LPA: variants seen among roughly 807,000 people sequenced by gnomAD.
LPA encodes the protein lipoprotein(a), also known as apolipoprotein(a).
In LPA, 199 loss-of-function variants were observed where a neutral mutation model predicts 197.9. The ratio of observed to expected loss-of-function variants is 1.01; its 90% CI spans 0.90 to 1.13. The LOEUF is 1.13. Among genes scored for constraint, LPA ranks in the 50% most tolerant of loss-of-function variants. The pLI is 0.00. For synonymous variants in LPA, 715 were observed against 639.5 expected, an observed-to-expected ratio of 1.12 and a Z score of -1.78; for missense variants, 1,853 against 1,785.8, an observed-to-expected ratio of 1.04 and a Z score of -0.68.
chr6:160,599,082 G>A (rs1038220848), intron 20 of LPA, among the ~76,000 whole-genome samples: 3 of 152,170 alleles, frequency 2.0e-5, no homozygotes, highest in African/African-American at 4.8e-5. Flanking sequence ...GGTGGCTCAC[G>A]CCTGTAATCC....
At chr6:160,564,911 C>T (rs546773061) in intron 28 of LPA, among the ~76,000 whole-genome samples, 1 of 152,284 alleles carries the variant, frequency 6.6e-6, no homozygotes, top group East Asian at 1.9e-4. Context: ...GTACAGCAGT[C>T]TGAGATTGAA....
chr6:160,656,325 C>T (rs1264345735), intron 1 of LPA, among the ~76,000 whole-genome samples: 3 of 152,128 alleles, frequency 2.0e-5, no homozygotes, highest in Non-Finnish European at 4.4e-5. Flanking sequence ...GCCTTTCCCA[C>T]CATAATAGCC....
At chr6:160,584,152 A>G (rs1778850606) in intron 26 of LPA, among the ~76,000 whole-genome samples, 1 of 151,112 alleles carries the variant, frequency 6.6e-6, no homozygotes, top group Non-Finnish European at 1.5e-5. Flanking sequence ...ATATATAAAT[A>G]TATGCACTCA....
intron 1 of LPA, among the ~76,000 whole-genome samples, chr6:160,662,336 T>C (rs917964147): frequency 2.6e-5 from 4 of 152,254 alleles, no homozygotes; most frequent in African/African-American, 7.2e-5. Flanking sequence ...TGTGTATGCA[T>C]ATTTGCATGT....
chr6:160,536,230 C>T (rs1207992269), intron 37 of LPA, among the ~76,000 whole-genome samples: 2 of 152,204 alleles, frequency 1.3e-5, no homozygotes, highest in Admixed American at 1.3e-4. Context: ...ATAGTGCCTA[C>T]TCCATGATTG....
intron 31 of LPA, among the ~76,000 whole-genome samples, 159 bp downstream of exon 31, chr6:160,548,319 C>T (rs1267443569): frequency 1.3e-5 from 2 of 152,322 alleles, no homozygotes; most frequent in East Asian, 3.9e-4. Context: ...AGGGACGGCA[C>T]TGAGACTTCC....
At chr6:160,653,944 TA>T (rs1780051691) in intron 1 of LPA, among the ~76,000 whole-genome samples, 1 of 40,110 alleles carries the variant, frequency 2.5e-5, no homozygotes, top group South Asian at 7.3e-4. Context: ...ATATATTTTA[TA>T]TATATTATAT....
intron 16 of LPA, among the ~76,000 whole-genome samples, chr6:160,610,078 T>C (rs961455708): frequency 1.1e-4 from 16 of 152,200 alleles, no homozygotes; most frequent in Non-Finnish European, 2.1e-4. Flanking sequence ...ATATGTCAAA[T>C]TTTCATGCAA....
intron 28 of LPA, among the ~76,000 whole-genome samples, chr6:160,560,787 A>G (rs1448080794): frequency 6.6e-6 from 1 of 152,128 alleles, no homozygotes; most frequent in Non-Finnish European, 1.5e-5. Flanking sequence ...TATTTTAATT[A>G]GATCTGATTT....
At chr6:160,539,010 TGAGCCAGAAAGGCCCTTCTCTCCTTCCTA>T (rs1231267384) in intron 36 of LPA, among the ~76,000 whole-genome samples, 1 of 152,172 alleles carries the variant, frequency 6.6e-6, no homozygotes, top group African/African-American at 2.4e-5. Flanking sequence ...TTATAAAGGC[TGAGCCAGAAAGGCCCTTCTCTCCTTCCTA>T]GAGTGTCAGA....
intron 28 of LPA, among the ~76,000 whole-genome samples, chr6:160,575,050 T>C (rs1778630378): frequency 6.6e-6 from 1 of 152,228 alleles, no homozygotes; most frequent in African/African-American, 2.4e-5. Context: ...ATAAACAATC[T>C]TTTTTCCTCT....
At chr6:160,632,004 G>T (rs1447016837) in intron 8 of LPA, among the ~76,000 whole-genome samples, 2 of 151,812 alleles carry the variant, frequency 1.3e-5, no homozygotes, top group Admixed American at 6.6e-5. Context: ...GTGTGTGTGT[G>T]TGTGTGTGTG....
chr6:160,532,408 A>C (rs1180489390), intron 38 of LPA, 123 bp downstream of exon 38: 13 of 790,074 alleles, frequency 1.6e-5, no homozygotes, highest in Non-Finnish European at 2.7e-5. Context: ...TTTCTGAGCA[A>C]CACTTAGACT....
At chr6:160,660,119 G>A (rs12178238) in intron 1 of LPA, among the ~76,000 whole-genome samples, 3 of 133,618 alleles carry the variant, frequency 2.2e-5, no homozygotes, top group East Asian at 2.0e-4. Context: ...TGAATTCTAC[G>A]TAATGGCTGC....
chr6:160,547,579 C>T (rs1039624912), intron 32 of LPA, among the ~76,000 whole-genome samples: 1 of 152,104 alleles, frequency 6.6e-6, no homozygotes, highest in African/African-American at 2.4e-5. Flanking sequence ...CAGCACCCAA[C>T]AATGGAAACA....
chr6:160,565,348 A>C (rs1179871592), intron 28 of LPA, among the ~76,000 whole-genome samples: 1 of 152,188 alleles, frequency 6.6e-6, no homozygotes, highest in Non-Finnish European at 1.5e-5. Context: ...ATCAGGCAGC[A>C]ACATTTGCTG....
Position 160,600,923 on chromosome 6 carries a change from C to CA in LPA, c.3120dup (p.Glu1041Ter), listed in dbSNP as rs753812356. 8 of 1,612,246 alleles carry CA rather than the reference C, an allele frequency of 5.0e-6. No individual in the cohort carries two copies. The South Asian group carries it at 6.6e-5, about 13-fold the overall frequency. ...GTCTGGCACAACTTCTTACCTTGTT[C>CA]AAAAAAAGCCTCTAGGCTTGGAGCC... On this transcript the variant is annotated frameshift_variant, in exon 19 of 39. Coordinates refer to ENST00000316300, the MANE Select transcript of LPA (RefSeq NM_005577.4). LOFTEE classifies it high-confidence loss of function.
At chr6:160,578,477 T>C (rs1475580282) in intron 27 of LPA, 46 bp downstream of exon 27, 6 of 1,610,022 alleles carry the variant, frequency 3.7e-6, no homozygotes, top group East Asian at 2.2e-5. Context: ...AGATTTTCCA[T>C]GGTTTTTCAT....
In LPA at chr6:160,597,390, A is replaced by G. The variant is rs1019328586; in HGVS notation, c.3288-1855T>C. Among the ~76,000 whole-genome samples the G allele has an allele frequency of 6.6e-5, 10 of 152,328 alleles. 1 individual carries two copies. The South Asian group carries it at 1.9e-3, about 28-fold the overall frequency. On this transcript the variant is annotated intron_variant, in intron 20 of 38. Transcript: ENST00000316300. ...TAAAACACATTGAGCATTGCTACAT[A>G]TTCCTCAATGAACAATTTTTACTTC...
Sources: gnomAD v4.1 joint callset for allele counts (sites outside exome capture counted in the v4.1 genomes callset) on GRCh38, gnomAD v4.1.1 for gene constraint, MANE v1.5 for transcripts, NCBI Gene and HGNC (gene_info 2026-07-23, HGNC 2026-07-21) for gene names.